Variants in ITPKC observed in about 807,000 individuals in gnomAD.
ITPKC encodes the protein inositol-trisphosphate 3-kinase C.
ITPKC carries 33 observed loss-of-function variants against 67.1 expected under a neutral mutation model. The ratio of observed to expected loss-of-function variants is 0.49; its 90% CI spans 0.37 to 0.66. The LOEUF (loss-of-function observed/expected upper bound fraction) is 0.66. ITPKC is among the 30% of genes least tolerant of loss of function. The pLI is 0.00. For missense variants in ITPKC, 820 were observed against 892.1 expected (o/e 0.92, Z 1.03); for synonymous variants, 341 against 359.8 (o/e 0.95, Z 0.59).
chr19:40,717,496 C>G lies in ITPKC; in HGVS notation c.361C>G (p.Arg121Gly). The change falls in exon 1 of 7, where the codon CGG becomes GGG. Residue 121 changes from arginine to glycine, a missense_variant. Physicochemically the swap from Arg to Gly is moderately radical, Grantham distance 125. Around this residue, in one of 2 missense-constraint regions of ITPKC, gnomAD observed 481 missense variants for 470.1 expected, o/e 1.02. Coordinates refer to ENST00000263370, the MANE Select transcript of ITPKC (RefSeq NM_025194.3). ...GACGGAGCCAGACAGGTCCAGCCTC[C>G]GGACGCATCTAGAATGGAGCTGGTC... ...QKTEPDRSSL[R>G]THLEWSWSEL... The G allele has an allele frequency of 6.2e-7, 1 of 1,614,076 alleles. No homozygotes were observed. Among genetic ancestry groups the G allele is most frequent in the Admixed American group, 1.7e-5 (1 of 60,026 alleles).
chr19:40,735,625 C>G (rs957354240), intron 4 of ITPKC, among the ~76,000 whole-genome samples: 2 of 152,120 alleles, frequency 1.3e-5, no homozygotes, highest in African/African-American at 4.8e-5. Context: ...GTCCCCTCTT[C>G]ACCTCCTCAT....
intron 1 of ITPKC, among the ~76,000 whole-genome samples, chr19:40,721,576 C>G (rs2082222741): frequency 6.6e-6 from 1 of 151,936 alleles, no homozygotes; most frequent in African/African-American, 2.4e-5. Context: ...ACTATGTTGG[C>G]CAGGCTGGTT....
At chr19:40,718,687 C>G (rs1473268110) in intron 1 of ITPKC, among the ~76,000 whole-genome samples, 1 of 152,186 alleles carries the variant, frequency 6.6e-6, no homozygotes, top group Non-Finnish European at 1.5e-5. Context: ...GGGAGACAGG[C>G]AGGGTGCACT....
chr19:40,728,175 G>C (rs188507150), intron 2 of ITPKC, among the ~76,000 whole-genome samples: 1 of 152,054 alleles, frequency 6.6e-6, no homozygotes, highest in Non-Finnish European at 1.5e-5. Context: ...TTCGAGACCA[G>C]CCTGGGCATC....
At chr19:40,726,518 CTA>C (rs1433452720) in intron 2 of ITPKC, among the ~76,000 whole-genome samples, 2 of 152,356 alleles carry the variant, frequency 1.3e-5, no homozygotes, top group East Asian at 3.9e-4. Context: ...GCCATAGACA[CTA>C]TGTAAACATA....
At chr19:40,722,541 A>G (rs2082227146) in intron 1 of ITPKC, among the ~76,000 whole-genome samples, 1 of 152,094 alleles carries the variant, frequency 6.6e-6, no homozygotes. Flanking sequence ...GGAGAGATGA[A>G]CACGTCCCTG....
chr19:40,725,545 T>A (rs2082242949), intron 2 of ITPKC, 106 bp downstream of exon 2: 1 of 806,364 alleles, frequency 1.2e-6, no homozygotes, highest in Non-Finnish European at 2.2e-6. Context: ...TTGGTGACAG[T>A]CCCCACCTTA....
intron 5 of ITPKC, among the ~76,000 whole-genome samples, chr19:40,737,450 C>T (rs1434026384): frequency 1.3e-5 from 2 of 152,198 alleles, no homozygotes; most frequent in Admixed American, 6.5e-5. Flanking sequence ...CAGCCTGGAT[C>T]GAGGGGTCTG....
chr19:40,720,762 T>G (rs1204462804), intron 1 of ITPKC, among the ~76,000 whole-genome samples: 1 of 151,990 alleles, frequency 6.6e-6, no homozygotes, highest in Admixed American at 6.6e-5. Flanking sequence ...CCTTGAACAC[T>G]CTTCTGTTGT....
At chr19:40,731,910 C>T (rs2082272872) in intron 3 of ITPKC, among the ~76,000 whole-genome samples, 1 of 151,858 alleles carries the variant, frequency 6.6e-6, no homozygotes, top group African/African-American at 2.4e-5. Flanking sequence ...GTTTCTTGAG[C>T]CAGCTTCTGA....
In ITPKC at chr19:40,740,601, C is replaced by T. The variant is rs1402170342; in HGVS notation, c.*1041C>T. The T allele has an allele frequency of 3.4e-5, 8 of 236,076 alleles. No individual in the cohort carries two copies. The East Asian group carries it at 5.6e-4, about 17-fold the overall frequency. The allele number at this position is 236,076 out of a possible 1,614,324, so 14.6% of individuals were successfully genotyped here. ...AGAACCCTGGGGTGTGGCTAACGGC[C>T]CCTCCAGCACCCATAGCCAGGTCTT... On this transcript the variant is annotated 3_prime_UTR_variant, in exon 7 of 7. Transcript: ENST00000263370.
At chr19:40,724,558 G>C (rs2082237281) in intron 1 of ITPKC, among the ~76,000 whole-genome samples, 1 of 151,982 alleles carries the variant, frequency 6.6e-6, no homozygotes, top group Non-Finnish European at 1.5e-5. Context: ...CTCTGTTTCT[G>C]TCTCTCTCTG....
rs371358958 is a variant in ITPKC at position 40,718,190 on chromosome 19, G to C, written c.1055G>C (p.Gly352Ala). Residue 352 changes from glycine (G) to alanine (A), a missense_variant, in exon 1 of 7, where the codon GGG becomes GCG. This residue lies in a region of ITPKC where 481 missense variants were observed against 470.1 expected (regional missense o/e 1.02). Coordinates refer to ENST00000263370, the MANE Select transcript of ITPKC (RefSeq NM_025194.3). ...GTGGGACCCCCCTCCCGGGTTGAGGGGGGCAGCGGCGGCTTCTCCTCTGCC... is the reference window on the plus strand; with the variant it reads ...GTGGGACCCCCCTCCCGGGTTGAGGCGGGCAGCGGCGGCTTCTCCTCTGCC... ...QPVGPPSRVE[G>A]GSGGFSSASS... is the part of the protein sequence containing the mutation. The C allele has an allele frequency of 5.1e-6, 8 of 1,577,400 alleles. No individual in the cohort carries two copies. In the African/African-American group the frequency reaches 6.8e-5, roughly 13 times the overall value.
In ITPKC at chr19:40,740,778, G is replaced by C; in HGVS notation, c.*1218G>C. 2.5e-6 allele frequency: 1 copy of C among 393,540 alleles called. No homozygotes were observed. The highest frequency in any genetic ancestry group is 4.5e-6 in the Non-Finnish European group (1 of 223,218). The allele number at this position is 393,540 out of a possible 1,614,324, so 24.4% of individuals were successfully genotyped here. ...CGAGAGGCAGTTGCTGGACGGGGTAGTACTGGGAAGCAGGAGGCAGAATGG... is the reference window on the plus strand; with the variant it reads ...CGAGAGGCAGTTGCTGGACGGGGTACTACTGGGAAGCAGGAGGCAGAATGG... On this transcript the variant is annotated 3_prime_UTR_variant, in exon 7 of 7. Coordinates refer to ENST00000263370, the MANE Select transcript of ITPKC (RefSeq NM_025194.3).
At chr19:40,729,800 G>T (rs753483027) in intron 3 of ITPKC, among the ~76,000 whole-genome samples, 14 of 151,958 alleles carry the variant, frequency 9.2e-5, no homozygotes, top group Middle Eastern at 3.2e-3. Context: ...AGAAAATAGC[G>T]CCAAGTCCAT....
intron 1 of ITPKC, among the ~76,000 whole-genome samples, chr19:40,722,564 G>A (rs1054544102): frequency 1.3e-5 from 2 of 152,044 alleles, no homozygotes; most frequent in African/African-American, 4.8e-5. Flanking sequence ...CCTGGGGTAG[G>A]AGAGGGATGA....
intron 2 of ITPKC, among the ~76,000 whole-genome samples, chr19:40,726,241 CA>C (rs3042311): frequency 4.6e-4 from 67 of 146,652 alleles, no homozygotes; most frequent in Non-Finnish European, 4.7e-4. Context: ...AACTTCGTCT[CA>C]AAAAAAAAAA....
intron 1 of ITPKC, among the ~76,000 whole-genome samples, chr19:40,719,087 T>A (rs932725522): frequency 5.3e-5 from 8 of 152,162 alleles, no homozygotes; most frequent in Non-Finnish European, 1.0e-4. Flanking sequence ...GCCGTGGGGC[T>A]GGGAGCCGAG....
Position 40,717,798 on chromosome 19 carries a change from C to T in ITPKC, c.663C>T (p.Gly221=). The change falls in exon 1 of 7, where the codon GGC becomes GGT. Residue 221 remains glycine, a synonymous_variant. Coordinates refer to ENST00000263370, the MANE Select transcript of ITPKC (RefSeq NM_025194.3). ...CCTCAAAAGAGCCAAGTGCTGATGG[C>T]TCCTGGAAAGAATTGTATACTGATG... ...ACPSKEPSAD[G]SWKELYTDGS... 6.2e-7 allele frequency: 1 copy of T among 1,614,058 alleles called. No homozygotes were observed. Among genetic ancestry groups the T allele is most frequent in the South Asian group, 1.1e-5 (1 of 91,080 alleles).
Sources: gnomAD v4.1 joint callset for allele counts (sites outside exome capture counted in the v4.1 genomes callset) on GRCh38, gnomAD v4.1.1 for gene constraint, gnomAD v4.1.1 regional missense constraint, MANE v1.5 for transcripts, NCBI Gene and HGNC (gene_info 2026-07-23, HGNC 2026-07-21) for gene names.